The following RAI2 variants were observed in gnomAD, a reference collection of about 807,000 sequenced individuals.
RAI2 encodes the protein retinoic acid-induced protein 2.
RAI2 carries 5 observed loss-of-function variants against 15.3 expected under a neutral mutation model. The ratio of observed to expected loss-of-function variants is 0.33; its 90% confidence interval spans 0.17 to 0.69. The LOEUF (loss-of-function observed/expected upper bound fraction) is 0.69, where lower values mean the gene tolerates loss of function less well. RAI2 is among the 30% of genes least tolerant of loss of function. The pLI is 0.69. For missense variants in RAI2, 424 were observed against 424.7 expected (o/e 1.00, Z 0.01); for synonymous variants, 191 against 184.0 (o/e 1.04, Z -0.31).
chrX:17,823,335 C>A (rs944755399), intron 1 of RAI2, among the ~76,000 whole-genome samples: 3 of 112,091 alleles, frequency 2.7e-5, no homozygotes, highest in Admixed American at 9.4e-5. Context: ...ACTGTGGAAT[C>A]CTAAATAAAT....
At chrX:17,835,930 A>C (rs919311582) in intron 1 of RAI2, among the ~76,000 whole-genome samples, 3 of 112,453 alleles carry the variant, frequency 2.7e-5, no homozygotes, top group Non-Finnish European at 3.8e-5. Context: ...AAAACTATTT[A>C]ACTTTATTGT....
intron 1 of RAI2, among the ~76,000 whole-genome samples, chrX:17,847,902 G>A (rs1345522559): frequency 8.9e-6 from 1 of 111,858 alleles, no homozygotes; most frequent in Non-Finnish European, 1.9e-5. Context: ...CCCACTACAT[G>A]CTGGTATTTA....
intron 1 of RAI2, among the ~76,000 whole-genome samples, chrX:17,854,165 T>C (rs768384488): frequency 3.6e-5 from 4 of 112,243 alleles, no homozygotes; most frequent in East Asian, 5.6e-4. Flanking sequence ...CATTCCTTAG[T>C]GAGCAAAACA....
At chrX:17,843,455 TC>T (rs1318129269) in intron 1 of RAI2, among the ~76,000 whole-genome samples, 1 of 112,501 alleles carries the variant, frequency 8.9e-6, no homozygotes, top group African/African-American at 3.2e-5. Context: ...GATGAACTGA[TC>T]AGGTCTAATC....
intron 1 of RAI2, among the ~76,000 whole-genome samples, chrX:17,855,410 G>A (rs988696100): frequency 1.3e-4 from 15 of 111,646 alleles, no homozygotes; most frequent in East Asian, 2.8e-4. Context: ...GGGTGGGGTC[G>A]AGGAAAGGAA....
In RAI2 at chrX:17,800,768, G is replaced by C. The variant is rs765785854; in HGVS notation, c.1243C>G (p.Pro415Ala). ...TTGACTTCGCCGCTGGGGTGGTTGG[G>C]CTGGCTGAGCATCTCGGTAGCAGCA... ...SDAATEMLSQ[P>A]NHPSGEVKAE... The change falls in exon 2 of 2, where the codon CCC becomes GCC. Residue 415 changes from proline to alanine, a missense_variant. Transcript: ENST00000451717. 6 of 1,211,756 alleles carry C rather than the reference G, an allele frequency of 5.0e-6. No homozygotes were observed. The highest frequency in any genetic ancestry group is 2.2e-5 in the Admixed American group (1 of 46,067).
At chrX:17,835,527 T>C (rs1393437051) in intron 1 of RAI2, among the ~76,000 whole-genome samples, 1 of 111,944 alleles carries the variant, frequency 8.9e-6, no homozygotes, top group Non-Finnish European at 1.9e-5. Context: ...TCCACACAGA[T>C]CAACCAAGAT....
At chrX:17,806,937 T>A (rs2066987702) in intron 1 of RAI2, among the ~76,000 whole-genome samples, 1 of 110,402 alleles carries the variant, frequency 9.1e-6, no homozygotes, top group African/African-American at 3.3e-5. Context: ...AAGGGGGAAG[T>A]CCTATGGTCC....
intron 1 of RAI2, among the ~76,000 whole-genome samples, chrX:17,855,155 A>C (rs1403760289): frequency 5.4e-5 from 6 of 111,861 alleles, no homozygotes; most frequent in Admixed American, 1.9e-4. Flanking sequence ...CCCTCGCAGA[A>C]ATTTTATTTA....
At position 17,801,397 on chromosome X, in the gene RAI2, G is replaced by A. The variant is rs760626742; in HGVS notation, c.614C>T (p.Pro205Leu). Residue 205 changes from proline to leucine, a missense_variant, in exon 2 of 2, where the codon CCT becomes CTT. Physicochemically the swap from Pro to Leu is moderately conservative, Grantham distance 98 (BLOSUM62 -3). Transcript: ENST00000451717. The stretch of plus-strand genomic sequence containing the variant: ...GGGCACAGGGGCATAGCCAGGAGGA[G>A]GCTGACAGGGTGGGGGCCCGAGAGT... Reference protein sequence around the residue: ...QGTLGPPPCQPPPGYAPVPPQ... With the variant: ...QGTLGPPPCQLPPGYAPVPPQ... 8.7e-7 allele frequency: 1 copy of A among 1,149,824 alleles called. No individual in the cohort carries two copies. The highest frequency in any genetic ancestry group is 1.2e-6 in the Non-Finnish European group (1 of 866,161). 94.8% of individuals were successfully genotyped at this position (1,149,824 alleles called of 1,213,427 possible).
chrX:17,860,978 C>CCCGGGCG (rs1277064408), intron 1 of RAI2, 120 bp downstream of exon 1: 2 of 105,075 alleles, frequency 1.9e-5, no homozygotes, highest in African/African-American at 6.7e-5. Flanking sequence ...CAGGCCCCTC[C>CCCGGGCG]CCGGGCGCCG....
At chrX:17,841,090 TA>T (rs201509791) in intron 1 of RAI2, among the ~76,000 whole-genome samples, 1 of 111,272 alleles carries the variant, frequency 9.0e-6, no homozygotes, top group African/African-American at 3.3e-5. Flanking sequence ...CTTTTTTTTT[TA>T]TTATTTTTTT....
intron 1 of RAI2, among the ~76,000 whole-genome samples, chrX:17,803,395 G>A (rs990291071): frequency 1.8e-5 from 2 of 110,129 alleles, no homozygotes; most frequent in Non-Finnish European, 3.8e-5. Context: ...GCATGATGTC[G>A]CACGCCTGTA....
intron 1 of RAI2, among the ~76,000 whole-genome samples, chrX:17,827,611 A>C (rs2067241386): frequency 8.9e-6 from 1 of 111,905 alleles, no homozygotes; most frequent in Non-Finnish European, 1.9e-5. Context: ...CAGAGCTGGA[A>C]CGTGAACTTA....
intron 1 of RAI2, among the ~76,000 whole-genome samples, chrX:17,839,882 T>C (rs1337380755): frequency 1.8e-5 from 2 of 112,416 alleles, no homozygotes; most frequent in African/African-American, 6.5e-5. Flanking sequence ...GGAAACTATT[T>C]AAGGGAAAAA....
chrX:17,837,104 G>A (rs1206851239), intron 1 of RAI2, among the ~76,000 whole-genome samples: 1 of 111,762 alleles, frequency 8.9e-6, no homozygotes, highest in Admixed American at 9.5e-5. Flanking sequence ...CCTGTGCCTG[G>A]GCTAAGCATG....
chrX:17,808,418 TA>T (rs1299669507), intron 1 of RAI2, among the ~76,000 whole-genome samples: 6 of 106,910 alleles, frequency 5.6e-5, no homozygotes, highest in African/African-American at 1.0e-4. Flanking sequence ...ATCTGGAACT[TA>T]AAAAAAAAAC....
At chrX:17,840,710 G>A (rs1435750644) in intron 1 of RAI2, among the ~76,000 whole-genome samples, 1 of 112,108 alleles carries the variant, frequency 8.9e-6, no homozygotes, top group African/African-American at 3.2e-5. Context: ...ATCTTTAACT[G>A]TGGCTTTCAA....
chrX:17,821,902 G>C (rs2067169315), intron 1 of RAI2, among the ~76,000 whole-genome samples: 1 of 110,480 alleles, frequency 9.1e-6, no homozygotes, highest in South Asian at 3.8e-4. Flanking sequence ...GTGACAAACA[G>C]TATATTGAAA....
Sources: gnomAD v4.1 joint callset for allele counts (sites outside exome capture counted in the v4.1 genomes callset) on GRCh38, gnomAD v4.1.1 for gene constraint, MANE v1.5 for transcripts, NCBI Gene and HGNC (gene_info 2026-07-23, HGNC 2026-07-21) for gene names.